GRM5: variants seen among roughly 807,000 people sequenced by gnomAD.
GRM5 encodes metabotropic glutamate receptor 5.
A neutral mutation model predicts 83.1 loss-of-function variants in GRM5; 19 were observed. That is an observed-to-expected ratio of 0.23 (90% CI 0.16 to 0.34). GRM5 has a LOEUF of 0.34. GRM5 is among the 10% of genes least tolerant of loss of function. GRM5 has a pLI of 1.00. For synonymous variants in GRM5, 675 were observed against 633.6 expected (o/e 1.07, Z -0.98); for missense variants, 1,160 against 1,588.3 (o/e 0.73, Z 4.58).
At chr11:89,062,790 G>C (rs149079478) in intron 1 of GRM5, among the ~76,000 whole-genome samples, 7,648 of 152,320 alleles carry the variant, frequency 0.05, 319 homozygotes, top group African/African-American at 0.11. Context: ...ATGCACGTTG[G>C]GCTCGGGCCA....
At chr11:88,933,478 T>G (rs559123103) in intron 2 of GRM5, among the ~76,000 whole-genome samples, 1 of 151,948 alleles carries the variant, frequency 6.6e-6, no homozygotes, top group South Asian at 2.1e-4. Context: ...TATTCTATCT[T>G]ATCTCTCAAA....
At chr11:88,639,395 T>C (rs541983500) in intron 4 of GRM5, among the ~76,000 whole-genome samples, 1 of 152,290 alleles carries the variant, frequency 6.6e-6, no homozygotes, top group Non-Finnish European at 1.5e-5. Flanking sequence ...CTTTTATTTC[T>C]TGTCTCTTGA....
intron 3 of GRM5, among the ~76,000 whole-genome samples, chr11:88,712,141 C>G (rs1456696457): frequency 6.6e-6 from 1 of 152,034 alleles, no homozygotes; most frequent in Non-Finnish European, 1.5e-5. Flanking sequence ...TCTTGTATAA[C>G]TAATTCTATA....
intron 3 of GRM5, among the ~76,000 whole-genome samples, chr11:88,772,062 T>A (rs1296775738): frequency 6.6e-6 from 1 of 152,098 alleles, no homozygotes; most frequent in Non-Finnish European, 1.5e-5. Flanking sequence ...AGCAGTATTA[T>A]GTGTGGATAT....
rs573724869 is a variant in GRM5, at chr11:88,512,053, A to C, written c.2727-2549T>G. The C allele has an allele frequency of 2.6e-5, 4 of 152,316 alleles. No homozygotes were observed. In the South Asian group the frequency reaches 6.2e-4, roughly 24 times the overall value. The allele number at this position is 152,316 out of a possible 1,614,324, so 9.4% of individuals were successfully genotyped here. On this transcript the variant is annotated intron_variant, in intron 9 of 9. Coordinates refer to ENST00000305447, the MANE Select transcript of GRM5 (RefSeq NM_001143831.3). ...AAAAAGTTTCTCTCTCTCTCTCTCG[A>C]ATGCCTTTAGTTGAACATGATGGAA... is the stretch of plus-strand genomic sequence containing the variant.
chr11:88,798,062 G>T (rs1240427154), intron 3 of GRM5, among the ~76,000 whole-genome samples: 1 of 152,000 alleles, frequency 6.6e-6, no homozygotes, highest in Non-Finnish European at 1.5e-5. Flanking sequence ...TCTCCTGTCT[G>T]CTCTTTCTCC....
chr11:88,842,898 C>T (rs1162278706), intron 3 of GRM5, among the ~76,000 whole-genome samples: 1 of 152,176 alleles, frequency 6.6e-6, no homozygotes, highest in African/African-American at 2.4e-5. Context: ...TACCTGAACT[C>T]CACTTATCCA....
At chr11:88,818,614 G>A (rs1296519418) in intron 3 of GRM5, among the ~76,000 whole-genome samples, 1 of 152,010 alleles carries the variant, frequency 6.6e-6, no homozygotes. Context: ...GCAAGTGATA[G>A]TAGACCAATA....
At chr11:88,572,961 G>A (rs907136126) in intron 7 of GRM5, among the ~76,000 whole-genome samples, 1 of 151,996 alleles carries the variant, frequency 6.6e-6, no homozygotes, top group East Asian at 1.9e-4. Context: ...CAAGCATATT[G>A]CCATTTCTCT....
chr11:89,059,498 C>T (rs1490173956), intron 1 of GRM5, among the ~76,000 whole-genome samples: 1 of 152,070 alleles, frequency 6.6e-6, no homozygotes, highest in Non-Finnish European at 1.5e-5. Context: ...AGGTCAGTAT[C>T]ATAAAAGTTT....
rs1944361688 is a variant in GRM5 at position 88,849,993 on chromosome 11, G to A, written c.824C>T (p.Ala275Val). 7 of 1,613,892 alleles carry A rather than the reference G, an allele frequency of 4.3e-6. No homozygotes were observed. Among genetic ancestry groups the A allele is most frequent in the Non-Finnish European group, 5.9e-6 (7 of 1,179,800 alleles). ...CACCGTCATGCCCTCACAGAAGCAG[G>A]CCACCACCCGGGCCTTGGGCAAGTG... ...TSHLPKARVVACFCEGMTVRG... is the reference protein window; with the variant it reads ...TSHLPKARVVVCFCEGMTVRG... Residue 275 changes from alanine to valine, a missense_variant, in exon 3 of 10, where the codon GCC (alanine) becomes GTC (valine). By Grantham distance (64) the Ala-to-Val change is moderately conservative. This residue lies in a region of GRM5 where 84 missense variants were observed against 231.0 expected (regional missense o/e 0.36). Transcript: ENST00000305447.
At chr11:88,734,283 C>T (rs1226882811) in intron 3 of GRM5, among the ~76,000 whole-genome samples, 1 of 151,876 alleles carries the variant, frequency 6.6e-6, no homozygotes, top group Non-Finnish European at 1.5e-5. Context: ...ATCAAAACTA[C>T]AATAAGATAT....
intron 3 of GRM5, among the ~76,000 whole-genome samples, chr11:88,754,061 G>C (rs1301900760): frequency 6.6e-6 from 1 of 152,086 alleles, no homozygotes; most frequent in East Asian, 1.9e-4. Context: ...GGTAGAGACA[G>C]AGAACCAAAC....
intron 2 of GRM5, among the ~76,000 whole-genome samples, chr11:88,998,975 C>A (rs1426568585): frequency 1.3e-5 from 2 of 151,994 alleles, no homozygotes; most frequent in Non-Finnish European, 2.9e-5. Flanking sequence ...CTGACAAAAA[C>A]AAGAAATGGG....
chr11:88,624,354 G>A (rs1406871402), intron 4 of GRM5, among the ~76,000 whole-genome samples: 3 of 152,148 alleles, frequency 2.0e-5, no homozygotes, highest in Non-Finnish European at 2.9e-5. Context: ...ATCACCAGAT[G>A]AATTTTCTTC....
At chr11:88,802,984 T>C (rs926406281) in intron 3 of GRM5, among the ~76,000 whole-genome samples, 1 of 141,358 alleles carries the variant, frequency 7.1e-6, no homozygotes, top group Non-Finnish European at 1.5e-5. Flanking sequence ...ACAAGGGACA[T>C]GAAGGAACTC....
intron 4 of GRM5, among the ~76,000 whole-genome samples, chr11:88,635,652 A>C (rs1939097553): frequency 6.6e-6 from 1 of 152,026 alleles, no homozygotes; most frequent in Non-Finnish European, 1.5e-5. Context: ...CACTCTGTTG[A>C]TTGTTTCCTT....
chr11:88,603,305 A>C (rs75058966), intron 5 of GRM5, among the ~76,000 whole-genome samples: 4,668 of 152,216 alleles, frequency 0.031, 197 homozygotes, highest in African/African-American at 0.094. Flanking sequence ...CTGATATAAA[A>C]ACTCTTGAAT....
chr11:88,637,574 T>G (rs1939168729), intron 4 of GRM5, among the ~76,000 whole-genome samples: 1 of 149,194 alleles, frequency 6.7e-6, no homozygotes, highest in Non-Finnish European at 1.5e-5. Context: ...TCACTGGCCA[T>G]CAGAGAAATG....
Sources: allele counts gnomAD v4.1 joint callset (sites outside exome capture counted in the v4.1 genomes callset), GRCh38; gene constraint gnomAD v4.1.1; regional missense constraint gnomAD v4.1.1; transcripts MANE v1.5; gene names NCBI Gene and HGNC (gene_info 2026-07-23, HGNC 2026-07-21).